Variants in UTP6 observed in about 807,000 individuals in gnomAD.
UTP6 encodes the protein UTP6 small subunit processome component.
Under a neutral mutation model 96.5 loss-of-function variants are expected in UTP6, and 60 were observed. The observed-to-expected ratio is 0.62, with a 90% CI of 0.51 to 0.77. UTP6 has a LOEUF of 0.77. UTP6 is among the 30% of genes least tolerant of loss of function. UTP6 has a pLI of 0.00. For missense variants in UTP6, 637 were observed against 706.5 expected (o/e 0.90, Z 1.12); for synonymous variants, 215 against 240.1 (o/e 0.90, Z 0.96).
In UTP6 at chr17:31,891,818, C is replaced by G. The variant is rs1286309416; in HGVS notation, c.424+442G>C. Among the ~76,000 whole-genome samples the G allele has an allele frequency of 2.0e-5, 3 of 152,082 alleles. No homozygotes were observed. In the South Asian group the frequency reaches 6.2e-4, roughly 31 times the overall value. ...CGGGTGGATCACGAGGTCAGGGGTT[C>G]GAGAGACCAGCCTGACCAACGTGGT... On this transcript the variant is annotated intron_variant, in intron 6 of 18. Transcript: ENST00000261708.
In UTP6 at chr17:31,873,749, C is replaced by A; in HGVS notation, c.1310G>T (p.Cys437Phe). The A allele has an allele frequency of 6.2e-7, 1 of 1,607,180 alleles. No individual in the cohort carries two copies. The highest frequency in any genetic ancestry group is 2.2e-5 in the East Asian group (1 of 44,866). The change falls in exon 15 of 19, where the codon TGT becomes TTT. Residue 437 changes from cysteine to phenylalanine, a missense_variant. Cys to Phe is a radical substitution (Grantham distance 205). Transcript: ENST00000261708. ...EAFVHLKPQV[C>F]LPLWISWAEW... ...TGCCCAGGAAATCCACAATGGCAGA[C>A]AAACCTACTCCCAGTTTAAAAAATG...
intron 16 of UTP6, 89 bp from the exon 17 acceptor site, chr17:31,868,201 C>A: frequency 8.6e-7 from 1 of 1,166,486 alleles, no homozygotes. Context: ...AGTGCCTCCA[C>A]AACACATGGT....
chr17:31,892,717 AG>A, intron 5 of UTP6, 29 bp downstream of exon 5: 1 of 1,613,944 alleles, frequency 6.2e-7, no homozygotes. Flanking sequence ...AGACGGTCAG[AG>A]GAAGCAAGAC....
intron 4 of UTP6, 149 bp from the exon 5 acceptor site, chr17:31,892,943 CG>C (rs1434408738): frequency 3.3e-5 from 29 of 871,336 alleles, no homozygotes; most frequent in Non-Finnish European, 4.4e-5. Context: ...GAAGCCGAAG[CG>C]GGCGGATCAC....
intron 4 of UTP6, 32 bp downstream of exon 4, chr17:31,894,613 C>T (rs1384626614): frequency 1.4e-6 from 2 of 1,457,072 alleles, no homozygotes; most frequent in Admixed American, 3.7e-5. Flanking sequence ...ATCTTCACAT[C>T]TCATAAAGTT....
chr17:31,880,666 G>A lies in UTP6; in HGVS notation c.874C>T (p.Pro292Ser). The A allele has an allele frequency of 6.2e-7, 1 of 1,614,078 alleles. No individual in the cohort carries two copies. The highest frequency in any genetic ancestry group is 1.3e-5 in the African/African-American group (1 of 75,032). ...LEIESQTEEQ[P>S]TTKQAKAVEV... The stretch of plus-strand genomic sequence containing the variant: ...ACTGCTTTGGCTTGTTTCGTTGTAG[G>A]CTGCTCTTCTGTCTGTGACTCAATC... Residue 292 changes from proline to serine, a missense_variant, in exon 11 of 19, where the codon CCT (proline) becomes TCT (serine). By Grantham distance (74) the Pro-to-Ser change is moderately conservative. Transcript: ENST00000261708.
intron 1 of UTP6, among the ~76,000 whole-genome samples, chr17:31,900,045 G>A (rs943854534): frequency 9.2e-5 from 14 of 151,900 alleles, no homozygotes; most frequent in Non-Finnish European, 1.8e-4. Context: ...TCGGGAGACT[G>A]AGGCAGGAAA....
chr17:31,885,691 G>A (rs1390162803), intron 9 of UTP6, among the ~76,000 whole-genome samples: 1 of 151,906 alleles, frequency 6.6e-6, no homozygotes, highest in Non-Finnish European at 1.5e-5. Flanking sequence ...GGGAGGCTGA[G>A]GCAGGAGAAT....
chr17:31,887,409 G>T, intron 7 of UTP6, 96 bp from the exon 8 acceptor site: 1 of 919,748 alleles, frequency 1.1e-6, no homozygotes, highest in Non-Finnish European at 1.7e-6. Context: ...GAGTGCACTG[G>T]TGATGACAGC....
At position 31,884,477 on chromosome 17, in the gene UTP6, C is replaced by T. The variant is rs138959717; in HGVS notation, c.732G>A (p.Ser244=). 2.9e-4 allele frequency: 473 copies of T among 1,612,022 alleles called. 4 individuals are homozygous for T. The East Asian group carries it at 8.2e-3, about 28-fold the overall frequency. ...TGGCAAAGTCAAATAGCTGTGCAATCGAAAGCAGTGACACGTGAAATTCTG... is the reference window on the plus strand; with the variant it reads ...TGGCAAAGTCAAATAGCTGTGCAATTGAAAGCAGTGACACGTGAAATTCTG... The part of the protein sequence containing the change: ...KGAEFHVSLL[S]IAQLFDFAKD... Residue 244 remains serine (S), a synonymous_variant, in exon 10 of 19, where the codon TCG becomes TCA. Coordinates refer to ENST00000261708, the MANE Select transcript of UTP6 (RefSeq NM_018428.3).
intron 14 of UTP6, among the ~76,000 whole-genome samples, chr17:31,874,511 A>T (rs1910373051): frequency 6.6e-6 from 1 of 151,858 alleles, no homozygotes; most frequent in Non-Finnish European, 1.5e-5. Flanking sequence ...GCACCACTGC[A>T]CTCCAGCCTG....
intron 9 of UTP6, chr17:31,884,789 C>G: frequency 3.6e-6 from 1 of 280,244 alleles, no homozygotes; most frequent in Non-Finnish European, 6.7e-6. Context: ...TGCAATGGCT[C>G]ACACCAGTTA....
intron 8 of UTP6, chr17:31,886,696 A>T (rs1470829685): frequency 6.5e-6 from 1 of 152,846 alleles, no homozygotes. Flanking sequence ...AAACCACAAT[A>T]ACAGACAATA....
At chr17:31,898,030 G>A (rs1904758139) in intron 2 of UTP6, among the ~76,000 whole-genome samples, 1 of 151,756 alleles carries the variant, frequency 6.6e-6, no homozygotes, top group African/African-American at 2.4e-5. Flanking sequence ...TCTTGCTGAA[G>A]TCCTGATACA....
intron 2 of UTP6, among the ~76,000 whole-genome samples, chr17:31,897,444 T>G (rs1289186740): frequency 1.2e-5 from 1 of 86,448 alleles, no homozygotes; most frequent in African/African-American, 4.2e-5. Flanking sequence ...ACTTCTAGTC[T>G]TTTTTTTTTT....
chr17:31,885,928 A>C, intron 9 of UTP6, 52 bp downstream of exon 9: 1 of 1,520,570 alleles, frequency 6.6e-7, no homozygotes, highest in Admixed American at 1.8e-5. Context: ...ATCTTCATTA[A>C]GAAAAGAATG....
chr17:31,886,173 T>C (rs750596278), intron 8 of UTP6, 112 bp from the exon 9 acceptor site: 7 of 813,436 alleles, frequency 8.6e-6, no homozygotes, highest in Non-Finnish European at 1.4e-5. Context: ...TGGTAAATCA[T>C]GTCTCTCTCT....
In UTP6 at chr17:31,873,491, C is replaced by A; in HGVS notation, c.1387-4G>T. On this transcript the variant is annotated splice_region_variant and splice_polypyrimidine_tract_variant and intron_variant, in intron 15 of 18. Coordinates refer to ENST00000261708, the MANE Select transcript of UTP6 (RefSeq NM_018428.3). ...CTATGACAGCTAAGAGAGCTTTCTACAATTTAAAAGAAAAAAGAAAGAAGC... is the reference window on the plus strand; with the variant it reads ...CTATGACAGCTAAGAGAGCTTTCTAAAATTTAAAAGAAAAAAGAAAGAAGC... 6.2e-7 allele frequency: 1 copy of A among 1,610,202 alleles called. No individual in the cohort carries two copies. The highest frequency in any genetic ancestry group is 8.5e-7 in the Non-Finnish European group (1 of 1,179,106).
intron 1 of UTP6, among the ~76,000 whole-genome samples, chr17:31,900,075 C>T (rs1268184543): frequency 1.3e-5 from 2 of 151,894 alleles, no homozygotes; most frequent in Admixed American, 6.6e-5. Context: ...ACCTGGAAGG[C>T]GGAGGTTGCA....
Sources: gnomAD v4.1 joint callset for allele counts (sites outside exome capture counted in the v4.1 genomes callset) on GRCh38, gnomAD v4.1.1 for gene constraint, MANE v1.5 for transcripts, NCBI Gene and HGNC (gene_info 2026-07-23, HGNC 2026-07-21) for gene names.